The following GPR63 variants were observed in gnomAD, a reference collection of about 807,000 sequenced individuals.
GPR63 encodes G protein-coupled receptor 63.
A neutral mutation model predicts 23.1 loss-of-function variants in GPR63; 12 were observed. The ratio of observed to expected loss-of-function variants is 0.52; its 90% CI spans 0.33 to 0.84. The LOEUF (loss-of-function observed/expected upper bound fraction) is 0.84. GPR63 is among the 40% of genes least tolerant of loss of function. The pLI, the probability that GPR63 is intolerant of heterozygous loss-of-function variation, is 0.02. For synonymous variants in GPR63, 172 were observed against 191.1 expected (o/e 0.90, Z 0.82); for missense variants, 472 against 515.6 (o/e 0.92, Z 0.82).
intron 1 of GPR63, among the ~76,000 whole-genome samples, chr6:96,820,132 A>G (rs1437785935): frequency 7.4e-6 from 1 of 134,390 alleles, no homozygotes; most frequent in Non-Finnish European, 1.6e-5. Flanking sequence ...TGAACATTTC[A>G]TATTATAAAT....
chr6:96,811,306 C>T (rs897025618), intron 1 of GPR63, among the ~76,000 whole-genome samples: 1 of 152,208 alleles, frequency 6.6e-6, no homozygotes, highest in Non-Finnish European at 1.5e-5. Flanking sequence ...GAATAACCCA[C>T]GCGTTCCAGC....
At chr6:96,826,433 CAAA>C (rs1288210354) in intron 1 of GPR63, among the ~76,000 whole-genome samples, 1 of 151,944 alleles carries the variant, frequency 6.6e-6, no homozygotes, top group Non-Finnish European at 1.5e-5. Context: ...AATTTATTAA[CAAA>C]GAAAAATGTC....
intron 1 of GPR63, among the ~76,000 whole-genome samples, chr6:96,829,057 A>C (rs2127960169): frequency 6.6e-6 from 1 of 152,356 alleles, no homozygotes; most frequent in African/African-American, 2.4e-5. Context: ...ATCCATAATT[A>C]TAATCTCTCA....
chr6:96,798,381 TAAAAA>T lies in GPR63; in HGVS notation c.*86_*90del. 1 of 1,306,742 alleles carries T rather than the reference TAAAAA, an allele frequency of 7.7e-7. No homozygotes were observed. The highest frequency in any genetic ancestry group is 1.5e-5 in the African/African-American group (1 of 67,124). 80.9% of individuals were successfully genotyped at this position (1,306,742 alleles called of 1,614,324 possible). On this transcript the variant is annotated 3_prime_UTR_variant, in exon 2 of 2. Transcript: ENST00000229955. ...CACACACATACATACACAAACCCTATAAAAAAAAATAAAGTGGAGAGGCTATGAGA... is the reference window on the plus strand; with the variant it reads ...CACACACATACATACACAAACCCTATAAAATAAAGTGGAGAGGCTATGAGA...
At position 96,837,349 on chromosome 6, in the gene GPR63, G is replaced by C. The variant is rs1774762463; in HGVS notation, c.-232C>G. On this transcript the variant is annotated 5_prime_UTR_variant, in exon 1 of 2. The change creates a premature stop within an existing upstream ORF in the 5' untranslated region. Coordinates refer to ENST00000229955, the MANE Select transcript of GPR63 (RefSeq NM_030784.4). Reference sequence around the variant, plus strand: ...ATGTAGTCCCTCCCGGAACTTTCCTGACATAGCACTTCTCTCCTCCGCTGC... The same window carrying C: ...ATGTAGTCCCTCCCGGAACTTTCCTCACATAGCACTTCTCTCCTCCGCTGC... 1 of 152,446 alleles carries C rather than the reference G, an allele frequency of 6.6e-6. No homozygotes were observed. The highest frequency in any genetic ancestry group is 1.5e-5 in the Non-Finnish European group (1 of 68,170). 9.4% of individuals were successfully genotyped at this position (152,446 alleles called of 1,614,324 possible). A position where few individuals can be genotyped will look rare whatever the true frequency, so the allele number is the denominator to read the frequency against.
chr6:96,827,599 A>ATATCTTCAAGGAGAAAGAGAG (rs1036621259), intron 1 of GPR63, among the ~76,000 whole-genome samples: 2 of 152,174 alleles, frequency 1.3e-5, no homozygotes, highest in African/African-American at 4.8e-5. Flanking sequence ...GACAGAGATA[A>ATATCTTCAAGGAGAAAGAGAG]TATCTTCAAG....
At chr6:96,800,342 G>T (rs1013174494) in intron 1 of GPR63, among the ~76,000 whole-genome samples, 3 of 151,978 alleles carry the variant, frequency 2.0e-5, no homozygotes, top group Admixed American at 2.0e-4. Flanking sequence ...CACAAAACCA[G>T]ATGACAAAGA....
intron 1 of GPR63, among the ~76,000 whole-genome samples, chr6:96,815,173 G>C (rs933007197): frequency 1.3e-5 from 2 of 152,168 alleles, no homozygotes; most frequent in Non-Finnish European, 2.9e-5. Flanking sequence ...TTCCAGGAGC[G>C]AGATAATTTA....
intron 1 of GPR63, among the ~76,000 whole-genome samples, chr6:96,806,024 A>G (rs1156975417): frequency 1.3e-5 from 2 of 152,182 alleles, no homozygotes; most frequent in Admixed American, 6.5e-5. Context: ...AGACTACTTG[A>G]AGCATTTGCC....
At chr6:96,816,400 A>T (rs979957278) in intron 1 of GPR63, among the ~76,000 whole-genome samples, 1 of 152,322 alleles carries the variant, frequency 6.6e-6, no homozygotes, top group Admixed American at 6.5e-5. Context: ...AGAGCCTTAA[A>T]AACATTCCTA....
At chr6:96,816,055 G>A (rs1045587786) in intron 1 of GPR63, among the ~76,000 whole-genome samples, 9 of 151,998 alleles carry the variant, frequency 5.9e-5, no homozygotes, top group African/African-American at 1.4e-4. Context: ...TAATTATTCT[G>A]GTCTATTAAT....
chr6:96,806,911 G>A (rs1773910328), intron 1 of GPR63, among the ~76,000 whole-genome samples: 1 of 152,168 alleles, frequency 6.6e-6, no homozygotes, highest in Admixed American at 6.5e-5. Context: ...TGTGCAGATG[G>A]TTCTGCACAA....
intron 1 of GPR63, among the ~76,000 whole-genome samples, chr6:96,815,424 G>C (rs1452086605): frequency 6.6e-6 from 1 of 151,378 alleles, no homozygotes; most frequent in African/African-American, 2.4e-5. Flanking sequence ...ACTGGGGAGA[G>C]GGAGAAATGG....
At chr6:96,808,763 CT>C (rs920523054) in intron 1 of GPR63, among the ~76,000 whole-genome samples, 3 of 152,018 alleles carry the variant, frequency 2.0e-5, no homozygotes, top group East Asian at 1.9e-4. Flanking sequence ...GGGCCAGCTT[CT>C]TTTTTTTATT....
At chr6:96,830,600 G>A (rs1664387931) in intron 1 of GPR63, among the ~76,000 whole-genome samples, 1 of 152,146 alleles carries the variant, frequency 6.6e-6, no homozygotes, top group Non-Finnish European at 1.5e-5. Flanking sequence ...AACAATGTCT[G>A]GAAAACAGTA....
At chr6:96,821,420 G>A (rs575959311) in intron 1 of GPR63, among the ~76,000 whole-genome samples, 7 of 152,102 alleles carry the variant, frequency 4.6e-5, no homozygotes, top group African/African-American at 1.4e-4. Flanking sequence ...AGATGCCTTC[G>A]TTTCTCTTCC....
intron 1 of GPR63, among the ~76,000 whole-genome samples, chr6:96,826,924 C>A (rs1486228377): frequency 6.6e-6 from 1 of 151,312 alleles, no homozygotes; most frequent in African/African-American, 2.4e-5. Context: ...TAAAATGTGC[C>A]GAAGTCAGTA....
At chr6:96,819,747 A>G (rs1774256972) in intron 1 of GPR63, among the ~76,000 whole-genome samples, 1 of 151,750 alleles carries the variant, frequency 6.6e-6, no homozygotes, top group Non-Finnish European at 1.5e-5. Flanking sequence ...AAAAAACAAA[A>G]AAAAACGGGT....
At chr6:96,819,805 T>C (rs1001441132) in intron 1 of GPR63, among the ~76,000 whole-genome samples, 6 of 151,112 alleles carry the variant, frequency 4.0e-5, no homozygotes, top group African/African-American at 1.5e-4. Context: ...AACCCTTCTC[T>C]ACTAAAAATA....
Sources: allele counts gnomAD v4.1 joint callset (sites outside exome capture counted in the v4.1 genomes callset), GRCh38; gene constraint gnomAD v4.1.1; transcripts MANE v1.5; gene names NCBI Gene and HGNC (gene_info 2026-07-23, HGNC 2026-07-21).